ZSWIM6: variants seen among roughly 807,000 people sequenced by gnomAD.
ZSWIM6 encodes the protein zinc finger SWIM domain-containing protein 6.
A neutral mutation model predicts 113.2 loss-of-function variants in ZSWIM6; 9 were observed. That is an observed-to-expected ratio of 0.08 (90% CI 0.05 to 0.14). ZSWIM6 has a LOEUF of 0.14. Among genes scored for constraint, ZSWIM6 ranks in the 10% least tolerant of loss-of-function variants. The pLI is 1.00. For synonymous variants in ZSWIM6, 611 were observed against 606.5 expected (o/e 1.01, Z -0.11); for missense variants, 1,162 against 1,552.2 (o/e 0.75, Z 4.22).
intron 4 of ZSWIM6, among the ~76,000 whole-genome samples, chr5:61,520,283 T>C (rs1161355970): frequency 6.6e-6 from 1 of 152,152 alleles, no homozygotes; most frequent in Non-Finnish European, 1.5e-5. Flanking sequence ...AGAAGTAGTG[T>C]TGTGAAAAGC....
chr5:61,516,728 T>A (rs1036448976), intron 4 of ZSWIM6, among the ~76,000 whole-genome samples: 3 of 151,848 alleles, frequency 2.0e-5, no homozygotes, highest in African/African-American at 7.2e-5. Flanking sequence ...TTTACTGAGA[T>A]ATTTTATCAT....
At chr5:61,337,202 C>T (rs1002493254) in intron 1 of ZSWIM6, among the ~76,000 whole-genome samples, 5 of 152,048 alleles carry the variant, frequency 3.3e-5, no homozygotes, top group Admixed American at 2.6e-4. Flanking sequence ...TCGTTTGAAC[C>T]CGGGAAGCAG....
chr5:61,532,502 C>T (rs1018532624), intron 9 of ZSWIM6, among the ~76,000 whole-genome samples: 8 of 152,100 alleles, frequency 5.3e-5, no homozygotes, highest in African/African-American at 1.9e-4. Flanking sequence ...ATGGGATTCT[C>T]TGTGATTGAT....
chr5:61,372,059 A>G (rs1745277093), intron 1 of ZSWIM6, among the ~76,000 whole-genome samples: 1 of 151,356 alleles, frequency 6.6e-6, no homozygotes, highest in East Asian at 1.9e-4. Flanking sequence ...AATAAATTCC[A>G]TTTACTGATG....
At chr5:61,366,821 TG>T (rs900536390) in intron 1 of ZSWIM6, among the ~76,000 whole-genome samples, 6 of 150,328 alleles carry the variant, frequency 4.0e-5, no homozygotes, top group African/African-American at 1.5e-4. Flanking sequence ...CCCAGCTACT[TG>T]GGGGGCTGAG....
chr5:61,378,610 C>T (rs905971038), intron 1 of ZSWIM6, among the ~76,000 whole-genome samples: 25 of 151,914 alleles, frequency 1.6e-4, no homozygotes, highest in Non-Finnish European at 2.8e-4. Context: ...GCCTGGAGTG[C>T]AATAGCGTGA....
chr5:61,358,494 C>T (rs1290710488), intron 1 of ZSWIM6, among the ~76,000 whole-genome samples: 1 of 152,138 alleles, frequency 6.6e-6, no homozygotes, highest in Non-Finnish European at 1.5e-5. Context: ...TCTTAGAATC[C>T]AGTTATGTGT....
At chr5:61,388,226 A>G (rs1745629381) in intron 1 of ZSWIM6, among the ~76,000 whole-genome samples, 1 of 151,876 alleles carries the variant, frequency 6.6e-6, no homozygotes, top group Non-Finnish European at 1.5e-5. Context: ...CATGTGATCC[A>G]CCCACCTCAG....
intron 1 of ZSWIM6, among the ~76,000 whole-genome samples, chr5:61,382,228 T>C (rs938544734): frequency 1.3e-5 from 2 of 152,206 alleles, no homozygotes; most frequent in Admixed American, 1.3e-4. Context: ...AAAATGCATC[T>C]TTAATATTTT....
chr5:61,375,846 C>T (rs1233767820), intron 1 of ZSWIM6: 37 of 969,948 alleles, frequency 3.8e-5, no homozygotes, highest in Middle Eastern at 3.1e-4. Context: ...CAAGTCCTGA[C>T]TCACCGTAAC....
chr5:61,377,679 T>G (rs1340912428), intron 1 of ZSWIM6, among the ~76,000 whole-genome samples: 19 of 150,720 alleles, frequency 1.3e-4, no homozygotes, highest in Admixed American at 9.9e-4. Flanking sequence ...ATCACACCAC[T>G]GCACTCCAGC....
intron 2 of ZSWIM6, among the ~76,000 whole-genome samples, chr5:61,476,275 A>G (rs1258420626): frequency 6.6e-6 from 1 of 152,126 alleles, no homozygotes; most frequent in Non-Finnish European, 1.5e-5. Context: ...TTTCACACAC[A>G]TTGTTCTTCA....
chr5:61,430,142 G>A (rs1210377085), intron 1 of ZSWIM6, among the ~76,000 whole-genome samples: 1 of 152,142 alleles, frequency 6.6e-6, no homozygotes, highest in African/African-American at 2.4e-5. Flanking sequence ...CTGACCATGG[G>A]ATGTTTGGAA....
At position 61,535,480 on chromosome 5, in the gene ZSWIM6, A is replaced by G; in HGVS notation, c.2246-4A>G. 6.4e-7 allele frequency: 1 copy of G among 1,551,238 alleles called. No homozygotes were observed. The highest frequency in any genetic ancestry group is 8.7e-7 in the Non-Finnish European group (1 of 1,146,624). On this transcript the variant is annotated splice_polypyrimidine_tract_variant and splice_region_variant and intron_variant, in intron 9 of 13. Coordinates refer to ENST00000252744, the MANE Select transcript of ZSWIM6 (RefSeq NM_020928.2). ...CGTAAAATGTGTATGCTCTCTTCCC[A>G]CAGCCGGACCATATAGTGGTTTAGG...
intron 1 of ZSWIM6, among the ~76,000 whole-genome samples, chr5:61,434,182 ATAACAT>A (rs1347672140): frequency 1.0e-4 from 15 of 147,660 alleles, no homozygotes; most frequent in African/African-American, 3.4e-4. Flanking sequence ...TATACTATAT[ATAACAT>A]ATATAAATAT....
intron 1 of ZSWIM6, among the ~76,000 whole-genome samples, chr5:61,382,108 G>A (rs370542743): frequency 3.9e-5 from 6 of 152,174 alleles, no homozygotes; most frequent in Admixed American, 2.0e-4. Flanking sequence ...GTAGCATCAT[G>A]TTCATCTGAT....
chr5:61,488,028 A>G lies in ZSWIM6; in HGVS notation c.1034-2758A>G, dbSNP rs977364393. On this transcript the variant is annotated intron_variant, in intron 2 of 13. Transcript: ENST00000252744. Reference sequence around the variant, plus strand: ...TGTGGGTATGTCATATATGGCCTTTATTATTGTGAGGTATATTCCTTTTAT... The same window carrying G: ...TGTGGGTATGTCATATATGGCCTTTGTTATTGTGAGGTATATTCCTTTTAT... Among the ~76,000 whole-genome samples, 5 of 152,030 alleles carry G rather than the reference A, an allele frequency of 3.3e-5. No homozygotes were observed. The South Asian group carries it at 1.0e-3, about 32-fold the overall frequency.
At chr5:61,420,221 A>G (rs1488450100) in intron 1 of ZSWIM6, among the ~76,000 whole-genome samples, 1 of 152,284 alleles carries the variant, frequency 6.6e-6, no homozygotes, top group Non-Finnish European at 1.5e-5. Flanking sequence ...ATGACTGTAC[A>G]AAGAACCTAA....
intron 4 of ZSWIM6, among the ~76,000 whole-genome samples, chr5:61,519,532 T>C (rs1215112733): frequency 6.6e-6 from 1 of 152,066 alleles, no homozygotes; most frequent in Non-Finnish European, 1.5e-5. Flanking sequence ...TTCAGAATCC[T>C]CAGGTTATTA....
Sources: gnomAD v4.1 joint callset for allele counts (sites outside exome capture counted in the v4.1 genomes callset) on GRCh38, gnomAD v4.1.1 for gene constraint, MANE v1.5 for transcripts, NCBI Gene and HGNC (gene_info 2026-07-23, HGNC 2026-07-21) for gene names.